The following DAB1 variants were observed in gnomAD, a reference collection of about 807,000 sequenced individuals.
DAB1 encodes disabled homolog 1.
Under a neutral mutation model 64.6 loss-of-function variants are expected in DAB1, and 15 were observed. That is an observed-to-expected ratio of 0.23 (90% CI 0.16 to 0.36). The LOEUF is 0.36. DAB1 is among the 10% of genes least tolerant of loss of function. The pLI, the probability that DAB1 is intolerant of heterozygous loss-of-function variation, is 1.00. For synonymous variants in DAB1, 235 were observed against 251.9 expected, an observed-to-expected ratio of 0.93 and a Z score of 0.64; for missense variants, 596 against 706.7, an observed-to-expected ratio of 0.84 and a Z score of 1.78.
At chr1:57,420,205 C>T (rs180836190) in intron 1 of DAB1, among the ~76,000 whole-genome samples, 1 of 152,294 alleles carries the variant, frequency 6.6e-6, no homozygotes, top group East Asian at 1.9e-4. Flanking sequence ...AGAAGTCTTA[C>T]TATTTCATTA....
At chr1:58,491,954 G>A (rs1206485735) in intron 3 of DAB1, among the ~76,000 whole-genome samples, 1 of 152,142 alleles carries the variant, frequency 6.6e-6, no homozygotes, top group Non-Finnish European at 1.5e-5. Context: ...CAAATCAACA[G>A]AATATACATT....
chr1:58,478,353 T>G (rs1174410496), intron 3 of DAB1, among the ~76,000 whole-genome samples: 1 of 152,218 alleles, frequency 6.6e-6, no homozygotes, highest in Non-Finnish European at 1.5e-5. Flanking sequence ...GTCTCGGGTA[T>G]GTCTTTATAG....
intron 5 of DAB1, among the ~76,000 whole-genome samples, chr1:58,019,482 C>T (rs554540483): frequency 6.6e-5 from 10 of 152,262 alleles, no homozygotes; most frequent in Admixed American, 1.3e-4. Context: ...TTATTGCCTA[C>T]GTACTATGAA....
chr1:57,757,660 C>T (rs927062042), intron 6 of DAB1, among the ~76,000 whole-genome samples: 1 of 152,042 alleles, frequency 6.6e-6, no homozygotes, highest in African/African-American at 2.4e-5. Flanking sequence ...ATCCTAATGA[C>T]CTCATTTTAA....
chr1:57,862,653 G>C (rs1278025000), intron 1 of DAB1: 1 of 152,084 alleles, frequency 6.6e-6, no homozygotes, highest in East Asian at 1.9e-4. Flanking sequence ...TCTACCAAAG[G>C]AGAGATAAAG....
At chr1:58,205,279 T>C in intron 4 of DAB1, among the ~76,000 whole-genome samples, 1 of 152,228 alleles carries the variant, frequency 6.6e-6, no homozygotes, top group East Asian at 1.9e-4. Context: ...CTAATGACAG[T>C]ACTATTCTAT....
intron 2 of DAB1, among the ~76,000 whole-genome samples, chr1:57,184,984 G>T (rs74074154): frequency 1.3e-5 from 2 of 152,010 alleles, no homozygotes; most frequent in African/African-American, 4.8e-5. Flanking sequence ...CACAACATTC[G>T]TAAACTCACT....
At chr1:57,858,297 C>G (rs1023582405) in intron 1 of DAB1, among the ~76,000 whole-genome samples, 7 of 152,118 alleles carry the variant, frequency 4.6e-5, no homozygotes, top group Middle Eastern at 6.8e-3. Context: ...AATAGCATGC[C>G]CTAACTTTCT....
intron 5 of DAB1, among the ~76,000 whole-genome samples, chr1:58,147,853 T>C (rs1489642722): frequency 6.6e-6 from 1 of 151,894 alleles, no homozygotes; most frequent in Non-Finnish European, 1.5e-5. Flanking sequence ...TAGAGGAAAC[T>C]GAAGATTGGA....
At chr1:57,648,977 T>C (rs1411859353) in intron 7 of DAB1, among the ~76,000 whole-genome samples, 3 of 152,216 alleles carry the variant, frequency 2.0e-5, no homozygotes, top group Non-Finnish European at 1.5e-5. Flanking sequence ...GCTTCTAATT[T>C]GTCAAAAGAA....
intron 3 of DAB1, among the ~76,000 whole-genome samples, chr1:58,424,371 C>G (rs1644801180): frequency 6.6e-6 from 1 of 152,190 alleles, no homozygotes; most frequent in Non-Finnish European, 1.5e-5. Context: ...TAAACACACC[C>G]ATAAACACAA....
chr1:57,811,129 T>C (rs1292527678), intron 6 of DAB1, among the ~76,000 whole-genome samples: 1 of 152,254 alleles, frequency 6.6e-6, no homozygotes, highest in Non-Finnish European at 1.5e-5. Flanking sequence ...TAATCCAGGA[T>C]AATCTTCCTA....
At chr1:57,071,337 T>G in intron 6 of DAB1, 185 bp downstream of exon 6, 1 of 734,316 alleles carries the variant, frequency 1.4e-6, no homozygotes, top group Middle Eastern at 3.4e-4. Flanking sequence ...ATCTAACATG[T>G]CTAGAGTTTA....
intron 3 of DAB1, among the ~76,000 whole-genome samples, chr1:58,485,766 ACTTT>A (rs763245773): frequency 8.5e-5 from 13 of 152,066 alleles, no homozygotes; most frequent in Non-Finnish European, 1.3e-4. Flanking sequence ...CACTTCCTTT[ACTTT>A]GTTTTCTGTG....
At chr1:57,682,917 G>A (rs1570733906) in intron 6 of DAB1, among the ~76,000 whole-genome samples, 4 of 152,238 alleles carry the variant, frequency 2.6e-5, no homozygotes, top group Admixed American at 2.6e-4. Context: ...CCCCTCCCAG[G>A]GCCCTGTCTA....
intron 11 of DAB1, among the ~76,000 whole-genome samples, chr1:57,022,239 A>C (rs1401244306): frequency 6.6e-6 from 1 of 152,158 alleles, no homozygotes; most frequent in Non-Finnish European, 1.5e-5. Context: ...CAATGAGGAC[A>C]AAGCATGGGC....
In DAB1 at chr1:56,997,675, C is replaced by A. The variant is rs1466037903; in HGVS notation, c.*469G>T. 6.6e-6 allele frequency: 1 copy of A among 152,060 alleles called. No homozygotes were observed. Among genetic ancestry groups the A allele is most frequent in the Admixed American group, 6.6e-5 (1 of 15,250 alleles). 9.4% of individuals were successfully genotyped at this position (152,060 alleles called of 1,614,324 possible). ...TGACGATATTGTGGTCACAGAAGAC[C>A]CTTTGCTTTTGCTTAAAGAAGTCAG... On this transcript the variant is annotated 3_prime_UTR_variant, in exon 15 of 15. Coordinates refer to ENST00000371236, the MANE Select transcript of DAB1 (RefSeq NM_001365792.1).
chr1:57,360,301 G>C (rs1199206150), intron 1 of DAB1, among the ~76,000 whole-genome samples: 1 of 152,020 alleles, frequency 6.6e-6, no homozygotes, highest in African/African-American at 2.4e-5. Context: ...AAAAAACCCA[G>C]CCACTTGTCA....
At chr1:57,454,384 C>T (rs1686502008) in intron 7 of DAB1, among the ~76,000 whole-genome samples, 1 of 152,112 alleles carries the variant, frequency 6.6e-6, no homozygotes, top group Non-Finnish European at 1.5e-5. Flanking sequence ...GGCTATTATA[C>T]TTAGAAAACT....
Sources: allele counts gnomAD v4.1 joint callset (sites outside exome capture counted in the v4.1 genomes callset), GRCh38; gene constraint gnomAD v4.1.1; transcripts MANE v1.5; gene names NCBI Gene and HGNC (gene_info 2026-07-23, HGNC 2026-07-21).